SCN9A: variants seen among roughly 807,000 people sequenced by gnomAD.
The protein encoded by SCN9A is sodium voltage-gated channel alpha subunit 9, also known as sodium channel protein type 9 subunit alpha.
Under a neutral mutation model 187.0 loss-of-function variants are expected in SCN9A, and 131 were observed. The observed-to-expected ratio is 0.70, with a 90% CI of 0.61 to 0.81. SCN9A has a LOEUF of 0.81. Ranked by LOEUF, SCN9A falls within the 30% of genes least tolerant of loss-of-function variation. The pLI is 0.00. For synonymous variants in SCN9A, 809 were observed against 808.6 expected, an observed-to-expected ratio of 1.00 and a Z score of -0.01; for missense variants, 2,252 against 2,396.6, an observed-to-expected ratio of 0.94 and a Z score of 1.26.
At chr2:166,226,108 T>C (rs1694831824) in intron 24 of SCN9A, among the ~76,000 whole-genome samples, 1 of 152,180 alleles carries the variant, frequency 6.6e-6, no homozygotes, top group South Asian at 2.1e-4. Flanking sequence ...TTTCATTACC[T>C]GTGTTATTTA....
In SCN9A at chr2:166,251,664, T is replaced by C. The variant is rs1375146804; in HGVS notation, c.3472+101A>G. The C allele has an allele frequency of 4.1e-6, 5 of 1,225,948 alleles. No individual in the cohort carries two copies. The African/African-American group carries it at 4.5e-5, about 11-fold the overall frequency. 75.9% of individuals were successfully genotyped at this position (1,225,948 alleles called of 1,614,324 possible). ...ATAGCTGAATCAGCATGGAATGGAGTCTTCTGACTTACCGACAACCTCTGG... is the reference window on the plus strand; with the variant it reads ...ATAGCTGAATCAGCATGGAATGGAGCCTTCTGACTTACCGACAACCTCTGG... On this transcript the variant is annotated intron_variant, in intron 18 of 26. Coordinates refer to ENST00000642356, the MANE Select transcript of SCN9A (RefSeq NM_001365536.1).
At chr2:166,207,904 C>T (rs1693892773) in intron 24 of SCN9A, among the ~76,000 whole-genome samples, 1 of 152,158 alleles carries the variant, frequency 6.6e-6, no homozygotes, top group African/African-American at 2.4e-5. Flanking sequence ...CTGAAAATTA[C>T]AGCATGCCAA....
At chr2:166,229,915 G>A (rs1225524974) in intron 21 of SCN9A, among the ~76,000 whole-genome samples, 3 of 152,094 alleles carry the variant, frequency 2.0e-5, no homozygotes, top group Non-Finnish European at 2.9e-5. Context: ...ACCCATTCAA[G>A]TACAAATGTG....
At chr2:166,321,686 TA>T (rs1174206552) in intron 1 of SCN9A, among the ~76,000 whole-genome samples, 6 of 151,604 alleles carry the variant, frequency 4.0e-5, no homozygotes, top group Non-Finnish European at 8.8e-5. Context: ...CCAAAAAGGG[TA>T]AAAAAAAGTT....
At chr2:166,242,470 C>A (rs1466361673) in intron 19 of SCN9A, 32 bp downstream of exon 19, 2 of 1,489,720 alleles carry the variant, frequency 1.3e-6, no homozygotes, top group South Asian at 1.4e-5. Flanking sequence ...TTGACTTAAT[C>A]AATATATTGA....
chr2:166,302,937 A>C (rs1698619224), intron 7 of SCN9A, 153 bp downstream of exon 7: 1 of 622,408 alleles, frequency 1.6e-6, no homozygotes, highest in East Asian at 2.9e-5. Flanking sequence ...TATGAAAATC[A>C]TATATAACAT....
intron 10 of SCN9A, among the ~76,000 whole-genome samples, chr2:166,288,093 TTATATATA>T (rs72083111): frequency 0.04 from 5,355 of 134,890 alleles, 316 homozygotes; most frequent in African/African-American, 0.12. Flanking sequence ...TTCCATGTGT[TTATATATA>T]TATATATATA....
Position 166,311,757 on chromosome 2 carries a change from C to T in SCN9A, c.-1G>A. Reference sequence around the variant, plus strand: ...GTCCTGGGGGAGGCAACATTGCCATCTTTTCATCCTGTATATTTTAATTCC... The same window carrying T: ...GTCCTGGGGGAGGCAACATTGCCATTTTTTCATCCTGTATATTTTAATTCC... On this transcript the variant is annotated 5_prime_UTR_variant, in exon 2 of 27. Coordinates refer to ENST00000642356, the MANE Select transcript of SCN9A (RefSeq NM_001365536.1). 1 of 1,591,634 alleles carries T rather than the reference C, an allele frequency of 6.3e-7. No individual in the cohort carries two copies. The highest frequency in any genetic ancestry group is 8.6e-7 in the Non-Finnish European group (1 of 1,166,362).
chr2:166,346,091 C>A (rs1394542237), intron 1 of SCN9A, among the ~76,000 whole-genome samples: 1 of 152,068 alleles, frequency 6.6e-6, no homozygotes, highest in East Asian at 1.9e-4. Flanking sequence ...TTTTGAGTAA[C>A]CTGTGCTGCT....
At position 166,239,221 on chromosome 2, in the gene SCN9A, T is replaced by TAAAAAAAAAAAAAAAAAAAAA. The variant is rs1558974298; in HGVS notation, c.3628-955_3628-954insTTTTTTTTTTTTTTTTTTTTT. ...CTGGGCAACAGAGCAAGACTCTGTC[T>TAAAAAAAAAAAAAAAAAAAAA]CAAAAAAAAAAAAAAAAAAAAGGCT... On this transcript the variant is annotated intron_variant, in intron 19 of 26. Transcript: ENST00000642356. Among the ~76,000 whole-genome samples, 2 of 130,082 alleles carry TAAAAAAAAAAAAAAAAAAAAA rather than the reference T, an allele frequency of 1.5e-5. 1 individual carries two copies. The highest frequency in any genetic ancestry group is 3.2e-5 in the Non-Finnish European group (2 of 61,864). The allele number at this position is 130,082 out of a possible 152,430, so 85.3% of individuals were successfully genotyped here.
At chr2:166,270,101 C>T (rs976627802) in intron 17 of SCN9A, among the ~76,000 whole-genome samples, 14 of 152,040 alleles carry the variant, frequency 9.2e-5, no homozygotes, top group Admixed American at 7.9e-4. Flanking sequence ...ATTACTTCTT[C>T]CATGTAGAAC....
chr2:166,244,132 T>C (rs1407239641), intron 18 of SCN9A, among the ~76,000 whole-genome samples: 1 of 152,030 alleles, frequency 6.6e-6, no homozygotes, highest in Non-Finnish European at 1.5e-5. Flanking sequence ...GAGATGCCTG[T>C]GAATTGTTTA....
chr2:166,275,880 G>C (rs1697213970), intron 16 of SCN9A, among the ~76,000 whole-genome samples: 1 of 152,132 alleles, frequency 6.6e-6, no homozygotes, highest in Non-Finnish European at 1.5e-5. Flanking sequence ...GTAAGTTTCT[G>C]TCCTGACTTC....
intron 17 of SCN9A, among the ~76,000 whole-genome samples, chr2:166,252,992 TA>T (rs1696112004): frequency 6.6e-6 from 1 of 151,850 alleles, no homozygotes; most frequent in Non-Finnish European, 1.5e-5. Flanking sequence ...TTTTTTAGAG[TA>T]GTTCAAGCAA....
At chr2:166,214,007 A>AT (rs947995694) in intron 24 of SCN9A, among the ~76,000 whole-genome samples, 9 of 152,186 alleles carry the variant, frequency 5.9e-5, no homozygotes, top group Non-Finnish European at 1.0e-4. Flanking sequence ...TATAGCACAC[A>AT]TATAGAACCC....
chr2:166,217,632 C>G (rs1327115092), intron 24 of SCN9A, among the ~76,000 whole-genome samples: 1 of 152,016 alleles, frequency 6.6e-6, no homozygotes, highest in Non-Finnish European at 1.5e-5. Flanking sequence ...CTCTAATCAT[C>G]AGAAAAATGC....
At chr2:166,364,671 G>A (rs987309363) in intron 1 of SCN9A, among the ~76,000 whole-genome samples, 1 of 152,106 alleles carries the variant, frequency 6.6e-6, no homozygotes, top group African/African-American at 2.4e-5. Context: ...CTGGGTGATA[G>A]GGGAAGAGAG....
At chr2:166,293,816 A>C (rs1189236938) in intron 8 of SCN9A, among the ~76,000 whole-genome samples, 1 of 152,240 alleles carries the variant, frequency 6.6e-6, no homozygotes, top group African/African-American at 2.4e-5. Context: ...GGAATAGATT[A>C]GAGTCAATAA....
rs552762117 is a variant in SCN9A at position 166,236,729 on chromosome 2, C to T, written c.3801+1365G>A. 1.3e-3 allele frequency among the ~76,000 whole-genome samples: 201 copies of T among 152,172 alleles called. 2 individuals carry two copies. The highest frequency in any genetic ancestry group is 4.8e-3 in the African/African-American group (198 of 41,538). The stretch of plus-strand genomic sequence containing the variant: ...TGAGCTACCGCGCCTGGCCAGAAGC[C>T]AAAAGTTTATGAAGCTTTGAATAAC... On this transcript the variant is annotated intron_variant, in intron 20 of 26. Coordinates refer to ENST00000642356, the MANE Select transcript of SCN9A (RefSeq NM_001365536.1).
Sources: allele counts gnomAD v4.1 joint callset (sites outside exome capture counted in the v4.1 genomes callset), GRCh38; gene constraint gnomAD v4.1.1; transcripts MANE v1.5; gene names NCBI Gene and HGNC (gene_info 2026-07-23, HGNC 2026-07-21).